ASAP1: variants seen among roughly 807,000 people sequenced by gnomAD.
The protein encoded by ASAP1 is arf-GAP with SH3 domain, ANK repeat and PH domain-containing protein 1.
A neutral mutation model predicts 145.2 loss-of-function variants in ASAP1; 43 were observed. That is an observed-to-expected ratio of 0.30 (90% CI 0.23 to 0.38). ASAP1 has a LOEUF of 0.38. Ranked by LOEUF, ASAP1 falls within the 10% of genes least tolerant of loss-of-function variation. The pLI, the probability that ASAP1 is intolerant of heterozygous loss-of-function variation, is 1.00. For missense variants in ASAP1, 1,018 were observed against 1,355.3 expected (o/e 0.75, Z 3.91); for synonymous variants, 546 against 515.5 (o/e 1.06, Z -0.80).
rs974666462 is a variant in ASAP1 at position 130,053,630 on chromosome 8, T to C, written c.*1101A>G. The C allele has an allele frequency of 2.0e-5, 3 of 152,344 alleles. No individual in the cohort carries two copies. Among genetic ancestry groups the C allele is most frequent in the African/African-American group, 7.2e-5 (3 of 41,586 alleles). The allele number at this position is 152,344 out of a possible 1,614,324, so 9.4% of individuals were successfully genotyped here. A position where few individuals can be genotyped will look rare whatever the true frequency, so the allele number is the denominator to read the frequency against. On this transcript the variant is annotated 3_prime_UTR_variant, in exon 30 of 30. Coordinates refer to ENST00000518721, the MANE Select transcript of ASAP1 (RefSeq NM_018482.4). ...TGGATTCTACATACAGTAGGGAAAC[T>C]GTGTGAAGGGTTGACTTTTAAATTC...
intron 24 of ASAP1, among the ~76,000 whole-genome samples, chr8:130,101,131 T>G (rs2097528023): frequency 6.6e-6 from 1 of 152,254 alleles, no homozygotes; most frequent in Non-Finnish European, 1.5e-5. Context: ...TCTGTTCCAC[T>G]GGTCTATGCA....
At chr8:130,151,039 C>G (rs1228457430) in intron 13 of ASAP1, among the ~76,000 whole-genome samples, 1 of 151,834 alleles carries the variant, frequency 6.6e-6, no homozygotes, top group Non-Finnish European at 1.5e-5. Flanking sequence ...ATCTTTGATG[C>G]CTACACCAGA....
intron 3 of ASAP1, among the ~76,000 whole-genome samples, chr8:130,312,182 T>A (rs760041919): frequency 6.7e-6 from 1 of 150,138 alleles, no homozygotes; most frequent in Non-Finnish European, 1.5e-5. Flanking sequence ...GAAACTGAGG[T>A]GGGAGAATCA....
intron 3 of ASAP1, among the ~76,000 whole-genome samples, chr8:130,290,604 T>A (rs754997119): frequency 1.3e-5 from 2 of 152,160 alleles, no homozygotes; most frequent in African/African-American, 2.4e-5. Context: ...CTTCCAGCCT[T>A]CCCTCATTCC....
At chr8:130,283,319 G>T (rs561795190) in intron 3 of ASAP1, among the ~76,000 whole-genome samples, 1 of 152,040 alleles carries the variant, frequency 6.6e-6, no homozygotes, top group South Asian at 2.1e-4. Context: ...AGTGGTTCAC[G>T]CCTGTAATCC....
At chr8:130,372,287 G>A (rs556406097) in intron 2 of ASAP1, among the ~76,000 whole-genome samples, 7 of 152,292 alleles carry the variant, frequency 4.6e-5, no homozygotes, top group Admixed American at 4.6e-4. Context: ...AGGAGACAAG[G>A]CAGATTCCAC....
Position 130,053,130 on chromosome 8 carries a change from T to C in ASAP1, c.*1601A>G, listed in dbSNP as rs1358908078. 1 of 152,242 alleles carries C rather than the reference T, an allele frequency of 6.6e-6. No individual in the cohort carries two copies. The highest frequency in any genetic ancestry group is 1.5e-5 in the Non-Finnish European group (1 of 68,044). The allele number at this position is 152,242 out of a possible 1,614,324, so 9.4% of individuals were successfully genotyped here. A position where few individuals can be genotyped will look rare whatever the true frequency, so the allele number is the denominator to read the frequency against. ...AACCACTTAAGCAGAACTAAATTAA[T>C]ATTCACTGAGCACTGTAACGATGGA... On this transcript the variant is annotated 3_prime_UTR_variant, in exon 30 of 30. Coordinates refer to ENST00000518721, the MANE Select transcript of ASAP1 (RefSeq NM_018482.4).
At position 130,061,072 on chromosome 8, in the gene ASAP1, G is replaced by A; in HGVS notation, c.2702-3C>T. ...ATGATCTGTTTTCCTTAGTGCCACT[G>A]TGGAAGCAATCAAAAACAAGGAGGT... On this transcript the variant is annotated splice_region_variant and splice_polypyrimidine_tract_variant and intron_variant, in intron 27 of 29. Transcript: ENST00000518721. The A allele has an allele frequency of 6.6e-7, 1 of 1,521,440 alleles. No individual in the cohort carries two copies. Among genetic ancestry groups the A allele is most frequent in the Non-Finnish European group, 8.8e-7 (1 of 1,137,964 alleles). 94.2% of individuals were successfully genotyped at this position (1,521,440 alleles called of 1,614,324 possible).
chr8:130,197,153 G>C (rs1233816447), intron 5 of ASAP1, among the ~76,000 whole-genome samples: 1 of 152,230 alleles, frequency 6.6e-6, no homozygotes, highest in Non-Finnish European at 1.5e-5. Context: ...CAACGGGCCA[G>C]GTGCAGTGGC....
chr8:130,159,648 G>A (rs1251534780), intron 12 of ASAP1, among the ~76,000 whole-genome samples: 13 of 151,724 alleles, frequency 8.6e-5, no homozygotes, highest in African/African-American at 3.2e-4. Context: ...ATAATTGCAC[G>A]TTACAAGACA....
chr8:130,144,897 T>C (rs993960853), intron 13 of ASAP1, among the ~76,000 whole-genome samples: 16 of 152,164 alleles, frequency 1.1e-4, no homozygotes, highest in African/African-American at 3.6e-4. Context: ...GAAAGAAATA[T>C]TTGAAAATGG....
intron 5 of ASAP1, among the ~76,000 whole-genome samples, chr8:130,189,809 C>T (rs2136235394): frequency 6.6e-6 from 1 of 152,194 alleles, no homozygotes; most frequent in Non-Finnish European, 1.5e-5. Flanking sequence ...TGCATCCTTG[C>T]TAGCATCCAT....
chr8:130,158,216 A>C (rs914331288), intron 12 of ASAP1, among the ~76,000 whole-genome samples: 2 of 152,106 alleles, frequency 1.3e-5, no homozygotes, highest in Non-Finnish European at 1.5e-5. Context: ...TTAAAAAAAA[A>C]CAATGACAAT....
At chr8:130,167,767 T>C in intron 10 of ASAP1, 145 bp from the exon 11 acceptor site, 1 of 612,478 alleles carries the variant, frequency 1.6e-6, no homozygotes, top group Non-Finnish European at 2.9e-6. Context: ...ATTTTTGATA[T>C]GATATTTCTC....
chr8:130,235,814 C>T (rs147684755), intron 4 of ASAP1, among the ~76,000 whole-genome samples: 2 of 152,170 alleles, frequency 1.3e-5, no homozygotes, highest in African/African-American at 4.8e-5. Context: ...TCTGATGAGA[C>T]GGGAAGGCCA....
chr8:130,328,931 T>C (rs564746277), intron 3 of ASAP1, among the ~76,000 whole-genome samples: 1 of 152,270 alleles, frequency 6.6e-6, no homozygotes, highest in African/African-American at 2.4e-5. Flanking sequence ...TAGATTTTTA[T>C]GGTTGTTAAA....
At chr8:130,333,464 C>T (rs1018583339) in intron 3 of ASAP1, among the ~76,000 whole-genome samples, 3 of 152,130 alleles carry the variant, frequency 2.0e-5, no homozygotes, top group Admixed American at 2.0e-4. Context: ...ATTAGCCAGG[C>T]ATGCTGGCAC....
chr8:130,420,776 C>A (rs1426929990), intron 1 of ASAP1, among the ~76,000 whole-genome samples: 1 of 151,978 alleles, frequency 6.6e-6, no homozygotes, highest in South Asian at 2.1e-4. Flanking sequence ...CACCTGTAAT[C>A]CCACTACTTG....
At chr8:130,352,370 A>G (rs924067286) in intron 3 of ASAP1, among the ~76,000 whole-genome samples, 1 of 152,228 alleles carries the variant, frequency 6.6e-6, no homozygotes, top group African/African-American at 2.4e-5. Flanking sequence ...AGGGGAGCTG[A>G]CGAACAAGAT....
Sources: allele counts gnomAD v4.1 joint callset (sites outside exome capture counted in the v4.1 genomes callset), GRCh38; gene constraint gnomAD v4.1.1; transcripts MANE v1.5; gene names NCBI Gene and HGNC (gene_info 2026-07-23, HGNC 2026-07-21).